Variants in SPATA31G1 observed in about 807,000 individuals in gnomAD.
The protein encoded by SPATA31G1 is SPATA31 subfamily G member 1, also known as spermatogenesis-associated protein 31G1.
chr9:35,043,044 C>T, the SPATA31G1 span: 6 of 1,614,184 alleles, frequency 3.7e-6, 1 homozygote, highest in South Asian at 3.3e-5. Flanking sequence ...CCCACCCCAG[C>T]CATCCTGTGG....
At chr9:35,044,686 C>G in the SPATA31G1 span, 1 of 1,614,160 alleles carries the variant, frequency 6.2e-7, no homozygotes, top group Non-Finnish European at 8.5e-7. Context: ...ACTGAGCTCC[C>G]AGCCCCCAGC....
At chr9:35,044,561 C>T in the SPATA31G1 span, 2 of 1,614,122 alleles carry the variant, frequency 1.2e-6, no homozygotes, top group Admixed American at 1.7e-5. Flanking sequence ...CAGGTAGGGG[C>T]TCCAGCCCAT....
chr9:35,045,586 G>C, the SPATA31G1 span: 2 of 1,614,160 alleles, frequency 1.2e-6, no homozygotes, highest in Non-Finnish European at 1.7e-6. Flanking sequence ...GCCCCTGTAA[G>C]CACATTTCCC....
At chr9:35,042,243 A>G in the SPATA31G1 span, 1 of 1,612,826 alleles carries the variant, frequency 6.2e-7, no homozygotes, top group South Asian at 1.1e-5. Flanking sequence ...AACTGCCAGA[A>G]GGCTAAGGGA....
chr9:35,044,288 G>T, the SPATA31G1 span: 1 of 1,614,132 alleles, frequency 6.2e-7, no homozygotes, highest in South Asian at 1.1e-5. Context: ...GGAATTCCTC[G>T]GCTTCTAGGT....
chr9:35,044,437 C>A, the SPATA31G1 span: 2 of 1,614,112 alleles, frequency 1.2e-6, no homozygotes, highest in Non-Finnish European at 1.7e-6. Flanking sequence ...TCTAAGCACC[C>A]AGCTTGTAAC....
the SPATA31G1 span, chr9:35,044,901 A>G: frequency 6.2e-7 from 1 of 1,614,104 alleles, no homozygotes; most frequent in South Asian, 1.1e-5. Context: ...CCCAGGGGTT[A>G]AGGCAGAGGC....
chr9:35,042,348 G>A, the SPATA31G1 span: 18 of 1,614,104 alleles, frequency 1.1e-5, no homozygotes, highest in African/African-American at 8.0e-5. Context: ...CAGACACTGC[G>A]GCAGCAGCTG....
the SPATA31G1 span, chr9:35,044,525 A>T: frequency 1.9e-6 from 3 of 1,614,062 alleles, no homozygotes; most frequent in African/African-American, 1.3e-5. Context: ...AAATGGAGCA[A>T]AAAGAAAACT....
chr9:35,044,634 C>A, the SPATA31G1 span: 2 of 1,614,166 alleles, frequency 1.2e-6, no homozygotes, highest in Non-Finnish European at 1.7e-6. Context: ...CAACTATAAG[C>A]CTGACGGGGA....
chr9:35,045,216 T>C, the SPATA31G1 span: 2 of 1,614,048 alleles, frequency 1.2e-6, no homozygotes, highest in Non-Finnish European at 1.7e-6. Flanking sequence ...GTCCTCCCAC[T>C]GTCATCACTT....
the SPATA31G1 span, chr9:35,043,840 T>C: frequency 6.2e-7 from 1 of 1,614,188 alleles, no homozygotes; most frequent in Non-Finnish European, 8.5e-7. Context: ...GAGAGTTCCC[T>C]GGAAGATCCA....
the SPATA31G1 span, chr9:35,044,681 G>A: frequency 6.2e-7 from 1 of 1,613,954 alleles, no homozygotes; most frequent in South Asian, 1.1e-5. Flanking sequence ...GGGCCACTGA[G>A]CTCCCAGCCC....
the SPATA31G1 span, chr9:35,042,387 C>A: frequency 1.2e-6 from 2 of 1,614,224 alleles, no homozygotes; most frequent in Non-Finnish European, 1.7e-6. Context: ...TCTGGTGACA[C>A]TATTCTTATT....
chr9:35,042,717 G>A, the SPATA31G1 span: 1 of 1,197,996 alleles, frequency 8.3e-7, no homozygotes, highest in African/African-American at 1.5e-5. Context: ...CACTAGATGA[G>A]GAGCTGTGTA....
the SPATA31G1 span, chr9:35,045,290 G>A: frequency 6.2e-7 from 1 of 1,614,076 alleles, no homozygotes; most frequent in South Asian, 1.1e-5. Context: ...CTCAGAGAGG[G>A]GAGAAAATGA....
chr9:35,045,713 C>G, the SPATA31G1 span: 1 of 1,614,238 alleles, frequency 6.2e-7, no homozygotes, highest in African/African-American at 1.3e-5. Flanking sequence ...CAAGTGACAT[C>G]CTGACCCCTC....
the SPATA31G1 span, chr9:35,042,349 G>A: frequency 6.2e-7 from 1 of 1,614,250 alleles, no homozygotes; most frequent in Non-Finnish European, 8.5e-7. Context: ...AGACACTGCG[G>A]CAGCAGCTGC....
the SPATA31G1 span, chr9:35,045,782 C>A: frequency 6.2e-7 from 1 of 1,614,202 alleles, no homozygotes; most frequent in African/African-American, 1.3e-5. Flanking sequence ...TCCCTACCCT[C>A]AAGGCTTCCC....
Sources: gnomAD v4.1 joint callset for allele counts on GRCh38, gnomAD v4.1.1 for gene constraint, MANE v1.5 for transcripts, NCBI Gene and HGNC (gene_info 2026-07-23, HGNC 2026-07-21) for gene names.